Variants in DIS3L2 observed in about 807,000 individuals in gnomAD.
DIS3L2 encodes the protein DIS3-like exonuclease 2.
In DIS3L2, 34 loss-of-function variants were observed where a neutral mutation model predicts 97.5. The ratio of observed to expected loss-of-function variants is 0.35; its 90% CI spans 0.27 to 0.46. The LOEUF is 0.46. DIS3L2 is among the 20% of genes least tolerant of loss of function. The probability of loss-of-function intolerance (pLI) is 1.00; values close to 1 mark genes in which losing one functional copy is unlikely to be tolerated. For synonymous variants in DIS3L2, 435 were observed against 445.2 expected, an observed-to-expected ratio of 0.98 and a Z score of 0.29; for missense variants, 1,038 against 1,146.0, an observed-to-expected ratio of 0.91 and a Z score of 1.36.
rs534321670 is a variant in DIS3L2, at chr2:231,992,982, A to G, written c.-93-21853A>G. On this transcript the variant is annotated intron_variant, in intron 1 of 20. Transcript: ENST00000325385. The stretch of plus-strand genomic sequence containing the variant: ...TTTTCTCGATATTCTTCCTAGGCTG[A>G]TCGCATCTGTGTTCAATTTCAGTTG... Among the ~76,000 whole-genome samples the G allele has an allele frequency of 1.5e-3, 223 of 152,132 alleles. 2 individuals are homozygous for G. The highest frequency in any genetic ancestry group is 5.0e-3 in the African/African-American group (209 of 41,494).
chr2:232,238,500 G>T, intron 10 of DIS3L2, 33 bp from the exon 11 acceptor site: 1 of 1,587,660 alleles, frequency 6.3e-7, no homozygotes, highest in Non-Finnish European at 8.6e-7. Flanking sequence ...GGCCTTCCAC[G>T]CCAGCCTGAT....
At chr2:232,121,711 C>G (rs995646389) in intron 6 of DIS3L2, among the ~76,000 whole-genome samples, 2 of 152,106 alleles carry the variant, frequency 1.3e-5, no homozygotes, top group African/African-American at 4.8e-5. Flanking sequence ...GGCTCCGAGT[C>G]TGTAGGTCAT....
intron 1 of DIS3L2, among the ~76,000 whole-genome samples, chr2:231,972,590 C>T (rs1360172383): frequency 1.3e-5 from 2 of 152,226 alleles, no homozygotes; most frequent in Non-Finnish European, 2.9e-5. Context: ...GTCACCCAGG[C>T]TGGAGTGCAG....
rs1294830320 is a variant in DIS3L2 at position 232,238,662 on chromosome 2, A to G, written c.1317+17A>G. ...GTTCAAAAGGTAAAAATCCATCTCT[A>G]GTTTCTTTTTTCTTGCTTTGTTTAT... On this transcript the variant is annotated intron_variant, in intron 11 of 20. Coordinates refer to ENST00000325385, the MANE Select transcript of DIS3L2 (RefSeq NM_152383.5). 1.9e-6 allele frequency: 3 copies of G among 1,599,558 alleles called. No homozygotes were observed. Among genetic ancestry groups the G allele is most frequent in the Non-Finnish European group, 8.5e-7 (1 of 1,170,342 alleles).
intron 14 of DIS3L2, among the ~76,000 whole-genome samples, chr2:232,311,132 G>C (rs1695117747): frequency 6.6e-6 from 1 of 152,318 alleles, no homozygotes; most frequent in South Asian, 2.1e-4. Flanking sequence ...GCTTTCTGAG[G>C]CCAGAACTGA....
intron 14 of DIS3L2, 24 bp from the exon 15 acceptor site, chr2:232,329,789 T>TGGGGCCCCCC: frequency 2.7e-6 from 1 of 368,622 alleles, no homozygotes; most frequent in Non-Finnish European, 5.1e-6. Context: ...CAGCGGTCCC[T>TGGGGCCCCCC]CCCATCCCAC....
chr2:232,038,640 A>G lies in DIS3L2; in HGVS notation c.366+8560A>G, dbSNP rs370814187. ...TTGTTTCTCACCCCCTTTATTGATA[A>G]GACAGTCAGCACAGCCTTTCCTGTG... On this transcript the variant is annotated intron_variant, in intron 5 of 20. Transcript: ENST00000325385. Among the ~76,000 whole-genome samples the G allele has an allele frequency of 1.6e-4, 25 of 152,290 alleles. No individual in the cohort carries two copies. In the East Asian group the frequency reaches 4.8e-3, roughly 29 times the overall value.
chr2:231,988,813 ATAAC>A (rs1220867865), intron 1 of DIS3L2, among the ~76,000 whole-genome samples: 18 of 152,364 alleles, frequency 1.2e-4, no homozygotes, highest in African/African-American at 3.8e-4. Flanking sequence ...AAAAAAATAA[ATAAC>A]TAACACAGAA....
chr2:232,058,522 G>A (rs1695609924), intron 5 of DIS3L2, among the ~76,000 whole-genome samples: 1 of 152,118 alleles, frequency 6.6e-6, no homozygotes, highest in Non-Finnish European at 1.5e-5. Context: ...GATTCGGTTA[G>A]CCACAAATGT....
At chr2:232,337,628 G>A (rs915699127), downstream of DIS3L2, among the ~76,000 whole-genome samples, 3 of 152,072 alleles carry the variant, frequency 2.0e-5, no homozygotes, top group African/African-American at 4.8e-5. Context: ...GGGAAGCTCC[G>A]TGGCTTGGCG....
intron 6 of DIS3L2, among the ~76,000 whole-genome samples, chr2:232,105,156 A>G (rs1295610303): frequency 6.6e-6 from 1 of 152,168 alleles, no homozygotes; most frequent in Non-Finnish European, 1.5e-5. Context: ...TGAACACTTG[A>G]ATTATTTCTA....
chr2:232,143,829 C>G (rs1574906998), intron 8 of DIS3L2, among the ~76,000 whole-genome samples: 1 of 152,016 alleles, frequency 6.6e-6, no homozygotes, highest in East Asian at 1.9e-4. Context: ...CTCCTGTATC[C>G]TAAACCATAA....
intron 10 of DIS3L2, among the ~76,000 whole-genome samples, chr2:232,229,887 A>G (rs960145818): frequency 3.9e-5 from 6 of 152,158 alleles, no homozygotes; most frequent in Non-Finnish European, 7.4e-5. Flanking sequence ...AGGAAAAAAG[A>G]AGAAGAAAAT....
At chr2:232,331,699 C>A (rs1360005342) in intron 16 of DIS3L2, 1 of 152,564 alleles carries the variant, frequency 6.6e-6, no homozygotes, top group Non-Finnish European at 1.5e-5. Context: ...GAAGGCACAG[C>A]AGCCCCTGAG....
At chr2:232,287,622 G>T (rs12999643) in intron 13 of DIS3L2, among the ~76,000 whole-genome samples, 1 of 151,926 alleles carries the variant, frequency 6.6e-6, no homozygotes, top group Non-Finnish European at 1.5e-5. Flanking sequence ...CAAACTCATA[G>T]CCTCCAGCAG....
intron 1 of DIS3L2, among the ~76,000 whole-genome samples, chr2:231,979,097 C>G (rs942408165): frequency 6.6e-6 from 1 of 152,014 alleles, no homozygotes; most frequent in East Asian, 1.9e-4. Flanking sequence ...GAGACTTCAT[C>G]ATTATGACAT....
Position 232,130,823 on chromosome 2 carries a change from C to G in DIS3L2, c.702+104C>G, listed in dbSNP as rs1698195717. On this transcript the variant is annotated intron_variant, in intron 7 of 20. Coordinates refer to ENST00000325385, the MANE Select transcript of DIS3L2 (RefSeq NM_152383.5). ...TCAGGACTGTATTTGGTCATTTAAT[C>G]AGAAAAGTTAGAGCAGAGAATCATA... is the stretch of plus-strand genomic sequence containing the variant. 5 of 1,367,506 alleles carry G rather than the reference C, an allele frequency of 3.7e-6. No homozygotes were observed. The South Asian group carries it at 5.8e-5, about 16-fold the overall frequency. 84.7% of individuals were successfully genotyped at this position (1,367,506 alleles called of 1,614,324 possible).
chr2:232,093,300 G>C (rs913263463), intron 6 of DIS3L2, among the ~76,000 whole-genome samples: 5 of 151,914 alleles, frequency 3.3e-5, no homozygotes, highest in African/African-American at 9.7e-5. Context: ...CTAGTATTTT[G>C]TTGAGGATTT....
intron 16 of DIS3L2, among the ~76,000 whole-genome samples, chr2:232,332,715 G>A (rs574580960): frequency 7.9e-5 from 12 of 152,332 alleles, no homozygotes; most frequent in African/African-American, 2.9e-4. Flanking sequence ...GGGAGGGTCA[G>A]GTGTCAGAGA....
Sources: allele counts gnomAD v4.1 joint callset (sites outside exome capture counted in the v4.1 genomes callset), GRCh38; gene constraint gnomAD v4.1.1; transcripts MANE v1.5; gene names NCBI Gene and HGNC (gene_info 2026-07-23, HGNC 2026-07-21).